The following RPL22 variants were observed in gnomAD, a reference collection of about 807,000 sequenced individuals.
RPL22 encodes the protein ribosomal protein L22.
A neutral mutation model predicts 16.2 loss-of-function variants in RPL22; 4 were observed. The observed-to-expected ratio is 0.25, with a 90% CI of 0.12 to 0.57. The LOEUF (loss-of-function observed/expected upper bound fraction) is 0.57, where lower values mean the gene tolerates loss of function less well. RPL22 is among the 20% of genes least tolerant of loss of function. The pLI, the probability that RPL22 is intolerant of heterozygous loss-of-function variation, is 0.92. For missense variants in RPL22, 83 were observed against 156.1 expected (o/e 0.53, Z 2.49); for synonymous variants, 43 against 54.8 (o/e 0.78, Z 0.95).
Position 6,186,776 on chromosome 1 carries a change from T to G in RPL22, c.283A>C (p.Asn95His), listed in dbSNP as rs1557571877. 4.3e-6 allele frequency: 7 copies of G among 1,613,104 alleles called. No individual in the cohort carries two copies. Among genetic ancestry groups the G allele is most frequent in the African/African-American group, 2.7e-5 (2 of 74,998 alleles). The change falls in exon 4 of 4, where the codon AAT (asparagine) becomes CAT (histidine). Residue 95 changes from asparagine (N) to histidine (H), a missense_variant. Transcript: ENST00000234875. The stretch of plus-strand genomic sequence containing the variant: ...ACTACGCGCAACCAGTCACGTAGAT[T>G]ATTCTTCTTCAAATATTTTTTGGTG... Reference protein sequence around the residue: ...YLTKKYLKKNNLRDWLRVVAN... With the variant: ...YLTKKYLKKNHLRDWLRVVAN...
chr1:6,197,856 A>C, intron 1 of RPL22, 100 bp from the exon 2 acceptor site: 2 of 867,594 alleles, frequency 2.3e-6, no homozygotes, highest in Admixed American at 4.1e-5. Flanking sequence ...AGTCCATACA[A>C]ATACAAAACT....
intron 2 of RPL22, among the ~76,000 whole-genome samples, chr1:6,196,198 A>C (rs890090167): frequency 7.9e-5 from 12 of 152,236 alleles, no homozygotes; most frequent in African/African-American, 1.9e-4. Flanking sequence ...TATCCTAAGG[A>C]GGCTTCCAGA....
In RPL22 at chr1:6,192,944, C is replaced by A. The variant is rs1440901155; in HGVS notation, c.228G>T (p.Val76=). 6.2e-7 allele frequency: 1 copy of A among 1,613,246 alleles called. No individual in the cohort carries two copies. The highest frequency in any genetic ancestry group is 1.1e-5 in the South Asian group (1 of 91,030). The change falls in exon 3 of 4, where the codon GTG becomes GTT. Residue 76 remains valine (V), a synonymous_variant. Transcript: ENST00000234875. ...SKSKITVTSE[V]PFSKRYLKYL... ...CCCTCCTGTACCTTTTGGAGAAAGG[C>A]ACCTCGGATGTCACGGTGATCTTGC... is the stretch of plus-strand genomic sequence containing the variant.
intron 3 of RPL22, among the ~76,000 whole-genome samples, chr1:6,192,248 T>A (rs560896146): frequency 6.6e-6 from 1 of 152,136 alleles, no homozygotes; most frequent in African/African-American, 2.4e-5. Context: ...GGTCTCACTA[T>A]GTTGCCCAGG....
At chr1:6,191,192 T>G (rs973868862) in intron 3 of RPL22, among the ~76,000 whole-genome samples, 4 of 149,460 alleles carry the variant, frequency 2.7e-5, no homozygotes, top group African/African-American at 9.9e-5. Flanking sequence ...ACCCTGTCTC[T>G]ACTAAAAAAC....
chr1:6,185,249 T>G lies in RPL22; in HGVS notation c.*1423A>C. ...TACATGGGAACATCAATGCAACAAG[T>G]AGAATTTGTAAACTCAAGCCACAAA... On this transcript the variant is annotated 3_prime_UTR_variant, in exon 4 of 4. Coordinates refer to ENST00000234875, the MANE Select transcript of RPL22 (RefSeq NM_000983.4). 7.5e-6 allele frequency: 3 copies of G among 398,816 alleles called. No homozygotes were observed. The highest frequency in any genetic ancestry group is 1.3e-5 in the Non-Finnish European group (3 of 226,016). 24.7% of individuals were successfully genotyped at this position (398,816 alleles called of 1,614,324 possible).
chr1:6,197,819 C>T (rs754205310), intron 1 of RPL22, 63 bp from the exon 2 acceptor site: 1 of 1,185,360 alleles, frequency 8.4e-7, no homozygotes. Flanking sequence ...ACAAGATTAA[C>T]AGAACCAGAA....
At position 6,199,240 on chromosome 1, in the gene RPL22, G is replaced by A. The variant is rs567200329; in HGVS notation, c.12+322C>T. 14 of 398,124 alleles carry A rather than the reference G, an allele frequency of 3.5e-5. 1 individual carries two copies. The South Asian group carries it at 1.5e-3, about 42-fold the overall frequency. 24.7% of individuals were successfully genotyped at this position (398,124 alleles called of 1,614,324 possible). ...TTCTTCTTCCCCGCCCTCCACCCAG[G>A]TAATCAGGCCCCCGGCCGGGGTCCG... On this transcript the variant is annotated intron_variant, in intron 1 of 3. Transcript: ENST00000234875.
intron 2 of RPL22, among the ~76,000 whole-genome samples, chr1:6,194,752 G>A (rs1470001218): frequency 6.6e-6 from 1 of 152,062 alleles, no homozygotes; most frequent in Non-Finnish European, 1.5e-5. Flanking sequence ...GCTAGGTATG[G>A]TGGTGCATGC....
intron 1 of RPL22, 108 bp from the exon 2 acceptor site, chr1:6,197,864 A>G: frequency 1.2e-6 from 1 of 834,952 alleles, no homozygotes; most frequent in East Asian, 2.6e-5. Flanking sequence ...CAAATACAAA[A>G]CTAACGGAAG....
rs1571184606 is a variant in RPL22, at chr1:6,188,647, A to G, written c.243-1831T>C. ...TTCCGAATCTTCCCAAGCCATAAAGAGGGAATTTCACAACACACAAACCCA... is the reference window on the plus strand; with the variant it reads ...TTCCGAATCTTCCCAAGCCATAAAGGGGGAATTTCACAACACACAAACCCA... On this transcript the variant is annotated intron_variant, in intron 3 of 3. Transcript: ENST00000234875. 2.0e-5 allele frequency among the ~76,000 whole-genome samples: 3 copies of G among 152,032 alleles called. No individual in the cohort carries two copies. The South Asian group carries it at 6.2e-4, about 32-fold the overall frequency.
chr1:6,190,854 T>C (rs145812616), intron 3 of RPL22, among the ~76,000 whole-genome samples: 180 of 152,348 alleles, frequency 1.2e-3, no homozygotes, highest in African/African-American at 4.3e-3. Flanking sequence ...GAGTGGACTC[T>C]GTCTAAACTG....
rs1261378013 is a variant in RPL22, at chr1:6,197,692, G to A, written c.77C>T (p.Thr26Ile). Reference sequence around the variant, plus strand: ...CATGATTCCATCTTCTACAGGGTGGGTGCAATCAAGAGTGAACTTCAGAAC... The same window carrying A: ...CATGATTCCATCTTCTACAGGGTGGATGCAATCAAGAGTGAACTTCAGAAC... ...KQVLKFTLDC[T>I]HPVEDGIMDA... Residue 26 changes from threonine (T) to isoleucine (I), a missense_variant, in exon 2 of 4, where the codon ACC becomes ATC. By Grantham distance (89) the Thr-to-Ile change is moderately conservative. Transcript: ENST00000234875. 1.2e-6 allele frequency: 2 copies of A among 1,613,836 alleles called. No homozygotes were observed. Among genetic ancestry groups the A allele is most frequent in the East Asian group, 2.2e-5 (1 of 44,888 alleles).
At chr1:6,199,377 C>G in intron 1 of RPL22, 185 bp downstream of exon 1, 1 of 1,331,884 alleles carries the variant, frequency 7.5e-7, no homozygotes, top group Non-Finnish European at 9.7e-7. Flanking sequence ...AGCCTCGGGC[C>G]GCGGCCTCCT....
intron 3 of RPL22, among the ~76,000 whole-genome samples, chr1:6,187,489 C>T (rs1458090680): frequency 3.3e-5 from 5 of 151,742 alleles, no homozygotes; most frequent in African/African-American, 1.2e-4. Flanking sequence ...TGCTGGGCGC[C>T]TGTAGTCCCA....
At chr1:6,192,559 C>G (rs1391253435) in intron 3 of RPL22, among the ~76,000 whole-genome samples, 1 of 152,092 alleles carries the variant, frequency 6.6e-6, no homozygotes, top group Non-Finnish European at 1.5e-5. Context: ...ATTATCCGGG[C>G]ATGGTGGCAG....
intron 1 of RPL22, chr1:6,198,390 ATTCGC>A (rs1238140545): frequency 2.0e-5 from 3 of 152,332 alleles, no homozygotes; most frequent in African/African-American, 7.2e-5. Flanking sequence ...TGACATTTTG[ATTCGC>A]TTCATCTATG....
intron 3 of RPL22, among the ~76,000 whole-genome samples, chr1:6,192,197 T>C (rs147194083): frequency 3.3e-5 from 5 of 152,134 alleles, no homozygotes; most frequent in African/African-American, 1.2e-4. Context: ...TACAGGCACA[T>C]GTCACCATGC....
At chr1:6,193,550 C>T (rs1283192229) in intron 2 of RPL22, among the ~76,000 whole-genome samples, 1 of 151,986 alleles carries the variant, frequency 6.6e-6, no homozygotes, top group Admixed American at 6.6e-5. Context: ...CTCCAACTCC[C>T]GACTTCAGGT....
Sources: allele counts gnomAD v4.1 joint callset (sites outside exome capture counted in the v4.1 genomes callset), GRCh38; gene constraint gnomAD v4.1.1; transcripts MANE v1.5; gene names NCBI Gene and HGNC (gene_info 2026-07-23, HGNC 2026-07-21).